Variants in ALOX12B observed in about 807,000 individuals in gnomAD.
ALOX12B encodes arachidonate 12-lipoxygenase, 12R-type.
In ALOX12B, 47 loss-of-function variants were observed where a neutral mutation model predicts 78.9. The ratio of observed to expected loss-of-function variants is 0.60; its 90% confidence interval spans 0.47 to 0.76. The LOEUF is 0.76. ALOX12B is among the 30% of genes least tolerant of loss of function. The pLI is 0.00. For missense variants in ALOX12B, 805 were observed against 922.6 expected (o/e 0.87, Z 1.65); for synonymous variants, 370 against 374.5 (o/e 0.99, Z 0.14).
intron 3 of ALOX12B, 34 bp downstream of exon 3, chr17:8,081,072 C>T (rs765763108): frequency 3.7e-6 from 6 of 1,612,894 alleles, no homozygotes; most frequent in Non-Finnish European, 5.1e-6. Flanking sequence ...TGGACCCCTG[C>T]CGGGCGCCCA....
intron 2 of ALOX12B, among the ~76,000 whole-genome samples, chr17:8,081,986 T>C (rs1977227406): frequency 6.6e-6 from 1 of 152,196 alleles, no homozygotes; most frequent in Admixed American, 6.5e-5. Context: ...GTGAGAACAT[T>C]CGGTATTTGA....
rs746502729 is a variant in ALOX12B, at chr17:8,075,650, C to T, written c.1599G>A (p.Leu533=). The change falls in exon 12 of 15, where the codon TTG becomes TTA. Residue 533 remains leucine (L), a synonymous_variant. Transcript: ENST00000647874. ...SDAAVEGDPE[L]QSWVQEIFKE... is the part of the protein sequence containing the mutation. The stretch of plus-strand genomic sequence containing the variant: ...TAAATATTTCCTGCACCCAAGACTG[C>T]AATTCCGGATCACCCTCCACGGCTG... 6.4e-5 allele frequency: 103 copies of T among 1,614,066 alleles called. No homozygotes were observed. The highest frequency in any genetic ancestry group is 8.5e-5 in the Non-Finnish European group (100 of 1,180,046).
At position 8,080,660 on chromosome 17, in the gene ALOX12B, G is replaced by C. The variant is rs771852954; in HGVS notation, c.648C>G (p.Pro216=). The part of the protein sequence containing the change: ...KTASFFVRLG[P]MALAFKVRGL... ...TCCCGTCACTCACACGGACTCACAT[G>C]GGCCCCAGGCGGACGAAGAAGGAGG... Residue 216 remains proline, a splice_region_variant and synonymous_variant, in exon 5 of 15, where the codon CCC becomes CCG. Coordinates refer to ENST00000647874, the MANE Select transcript of ALOX12B (RefSeq NM_001139.3). This position sits in a 1 kb window ranked among gnomAD's most constrained non-coding sequence, Gnocchi z 4.8. 4 of 1,614,146 alleles carry C rather than the reference G, an allele frequency of 2.5e-6. No homozygotes were observed. Among genetic ancestry groups the C allele is most frequent in the Non-Finnish European group, 1.7e-6 (2 of 1,180,016 alleles).
chr17:8,081,617 A>C, intron 2 of ALOX12B: 1 of 252,090 alleles, frequency 4.0e-6, no homozygotes, highest in Non-Finnish European at 8.0e-6. Context: ...GAGAGTCTCC[A>C]TTGTCTATTG....
At chr17:8,078,238 T>C (rs1977130531) in intron 8 of ALOX12B, among the ~76,000 whole-genome samples, 1 of 151,544 alleles carries the variant, frequency 6.6e-6, no homozygotes, top group African/African-American at 2.4e-5. Context: ...CTCTGCCTCC[T>C]GGGTTCAAGA....
chr17:8,082,804 G>A (rs1474666631), intron 2 of ALOX12B, among the ~76,000 whole-genome samples: 2 of 152,028 alleles, frequency 1.3e-5, no homozygotes, highest in African/African-American at 2.4e-5. Flanking sequence ...CGTCACCACC[G>A]GACTTTGGGT....
At chr17:8,083,733 G>GA (rs1978290126) in intron 2 of ALOX12B, among the ~76,000 whole-genome samples, 1 of 130,750 alleles carries the variant, frequency 7.6e-6, no homozygotes, top group Non-Finnish European at 1.6e-5. Context: ...TGTCTCAAAA[G>GA]AAAAAACAAA....
At chr17:8,086,262 C>T (rs369741144) in intron 1 of ALOX12B, 42 bp from the exon 2 acceptor site, 81 of 1,600,986 alleles carry the variant, frequency 5.1e-5, no homozygotes, top group Non-Finnish European at 6.2e-5. Context: ...AGGACTTCAC[C>T]CCGGCTCCCA....
rs3214718 is a variant in ALOX12B, at chr17:8,076,871, TCCCCAGATGCC to T, written c.1275+108_1275+118del. On this transcript the variant is annotated intron_variant, in intron 9 of 14. Transcript: ENST00000647874. Reference sequence around the variant, plus strand: ...CCCTATGCCAAGCCCTCTCTTGTGGTCCCCAGATGCCCCCCAGGCTGACTGGAGTCTCTCTG... The same window carrying T: ...CCCTATGCCAAGCCCTCTCTTGTGGTCCCCAGGCTGACTGGAGTCTCTCTG... The T allele has an allele frequency of 0.29, 422,928 of 1,436,494 alleles. 64,220 individuals are homozygous for T. The highest frequency in any genetic ancestry group is 0.32 in the Non-Finnish European group (333,747 of 1,046,446). The allele number at this position is 1,436,494 out of a possible 1,614,324, so 89.0% of individuals were successfully genotyped here. A position where few individuals can be genotyped will look rare whatever the true frequency, so the allele number is the denominator to read the frequency against.
At chr17:8,081,374 C>T in intron 2 of ALOX12B, 187 bp from the exon 3 acceptor site, 1 of 674,516 alleles carries the variant, frequency 1.5e-6, no homozygotes. Flanking sequence ...AATCACGGAC[C>T]CACCCTCTTT....
rs1202795265 is a variant in ALOX12B, at chr17:8,080,168, G to C, written c.754+67C>G. 4 of 1,563,318 alleles carry C rather than the reference G, an allele frequency of 2.6e-6. No individual in the cohort carries two copies. The highest frequency in any genetic ancestry group is 4.5e-5 in the East Asian group (2 of 44,610). On this transcript the variant is annotated intron_variant, in intron 6 of 14. Coordinates refer to ENST00000647874, the MANE Select transcript of ALOX12B (RefSeq NM_001139.3). This position sits in a 1 kb window ranked among gnomAD's most constrained non-coding sequence, Gnocchi z 4.8. ...TCCCGTCCCACTGCCCCGAAGTCGG[G>C]GGCCTGCCTAGCACGCCGGAGACCG...
chr17:8,075,856 G>T lies in ALOX12B; in HGVS notation c.1533-140C>A, dbSNP rs1977069359. On this transcript the variant is annotated intron_variant, in intron 11 of 14. Coordinates refer to ENST00000647874, the MANE Select transcript of ALOX12B (RefSeq NM_001139.3). ...GCCTGTGGGAGGGCAAGTCCTGTGG[G>T]GCAGAAGTGGAGAGGATGGCTTGGC... 2.1e-6 allele frequency: 3 copies of T among 1,409,838 alleles called. No individual in the cohort carries two copies. In the South Asian group the frequency reaches 3.5e-5, roughly 16 times the overall value. 87.3% of individuals were successfully genotyped at this position (1,409,838 alleles called of 1,614,324 possible).
At chr17:8,083,760 A>C (rs1397761356) in intron 2 of ALOX12B, among the ~76,000 whole-genome samples, 2 of 149,446 alleles carry the variant, frequency 1.3e-5, no homozygotes, top group East Asian at 2.1e-4. Context: ...ACAAAAAAAA[A>C]CAACTCCGTT....
In ALOX12B at chr17:8,077,065, C is replaced by T; in HGVS notation, c.1200G>A (p.Leu400=). ...FYSHEAIAHL[L]ETHLIAEAFC... The stretch of plus-strand genomic sequence containing the variant: ...AGGCCTCAGCAATGAGGTGTGTCTC[C>T]AGCAGGTGGGCGATGGCCTCGTGGC... Residue 400 remains leucine, a synonymous_variant, in exon 9 of 15, where the codon CTG becomes CTA. Coordinates refer to ENST00000647874, the MANE Select transcript of ALOX12B (RefSeq NM_001139.3). 5 of 1,614,072 alleles carry T rather than the reference C, an allele frequency of 3.1e-6. No homozygotes were observed. Among genetic ancestry groups the T allele is most frequent in the Non-Finnish European group, 4.2e-6 (5 of 1,180,014 alleles).
At chr17:8,076,939 C>T in intron 9 of ALOX12B, 51 bp downstream of exon 9, 1 of 1,581,888 alleles carries the variant, frequency 6.3e-7, no homozygotes, top group Non-Finnish European at 8.6e-7. Flanking sequence ...TTTTCGGAGG[C>T]CAGGTGAGGG....
chr17:8,073,624 G>A lies in ALOX12B; in HGVS notation c.1755+33C>T, dbSNP rs751685285. ...ACGAAATTTAGAAGGTCTGAGCCTC[G>A]GGCTGGGCCTGGGTTGGTGAGACCA... On this transcript the variant is annotated intron_variant, in intron 13 of 14. Transcript: ENST00000647874. 5 of 1,589,968 alleles carry A rather than the reference G, an allele frequency of 3.1e-6. No individual in the cohort carries two copies. The South Asian group carries it at 4.4e-5, about 14-fold the overall frequency.
At chr17:8,078,202 G>A (rs1977129565) in intron 8 of ALOX12B, among the ~76,000 whole-genome samples, 1 of 151,024 alleles carries the variant, frequency 6.6e-6, no homozygotes, top group African/African-American at 2.4e-5. Context: ...CTGGAGTGCA[G>A]TGGCACGATC....
Position 8,073,283 on chromosome 17 carries a change from C to T in ALOX12B, c.1791G>A (p.Ala597=). The part of the protein sequence containing the change: ...EFTAWMPNFP[A]SMRNPPIQTK... ...TCTGAATCGGTGGATTCCGCATGGACGCTGGGAAGTTGGGCATCCAGGCGG... is the reference window on the plus strand; with the variant it reads ...TCTGAATCGGTGGATTCCGCATGGATGCTGGGAAGTTGGGCATCCAGGCGG... The change falls in exon 14 of 15, where the codon GCG becomes GCA. Residue 597 remains alanine, a synonymous_variant. Transcript: ENST00000647874. 6.2e-7 allele frequency: 1 copy of T among 1,614,150 alleles called. No individual in the cohort carries two copies. The highest frequency in any genetic ancestry group is 8.5e-7 in the Non-Finnish European group (1 of 1,180,032).
In ALOX12B at chr17:8,079,811, A is replaced by G. The variant is rs1161632769; in HGVS notation, c.885T>C (p.Ala295=). ...AGCACGTTCCCTCGCCCAGGAACGG[A>G]GCCACCATGTCGTCTGTGACGGGGA... is the stretch of plus-strand genomic sequence containing the variant. ...DKFPVTDDMV[A]PFLGEGTCLQ... is the part of the protein sequence containing the mutation. The change falls in exon 7 of 15, where the codon GCT becomes GCC. Residue 295 remains alanine (A), a synonymous_variant. Transcript: ENST00000647874. This position sits in a 1 kb window ranked among gnomAD's most constrained non-coding sequence, Gnocchi z 6.4. 1 of 1,613,398 alleles carries G rather than the reference A, an allele frequency of 6.2e-7. No individual in the cohort carries two copies. Among genetic ancestry groups the G allele is most frequent in the Admixed American group, 1.7e-5 (1 of 60,022 alleles).
Sources: gnomAD v4.1 joint callset for allele counts (sites outside exome capture counted in the v4.1 genomes callset) on GRCh38, gnomAD v4.1.1 for gene constraint, Gnocchi (gnomAD v3.1) non-coding constraint, MANE v1.5 for transcripts, NCBI Gene and HGNC (gene_info 2026-07-23, HGNC 2026-07-21) for gene names.